GLIPR1L1: variants seen among roughly 807,000 people sequenced by gnomAD.
GLIPR1L1 encodes the protein GLIPR1-like protein 1.
A neutral mutation model predicts 29.9 loss-of-function variants in GLIPR1L1; 26 were observed. That is an observed-to-expected ratio of 0.87 (90% CI 0.64 to 1.21). GLIPR1L1 has a LOEUF of 1.21. Ranked by LOEUF, GLIPR1L1 falls within the 50% of genes most tolerant of loss-of-function variation. The pLI is 0.00. For missense variants in GLIPR1L1, 305 were observed against 290.3 expected (o/e 1.05, Z -0.37); for synonymous variants, 77 against 97.5 (o/e 0.79, Z 1.24).
intron 4 of GLIPR1L1, chr12:75,367,077 C>T (rs924101607): frequency 3.9e-5 from 27 of 696,976 alleles, no homozygotes; most frequent in Non-Finnish European, 6.0e-5. Flanking sequence ...CACAGACAAG[C>T]CAACTGAGAT....
chr12:75,351,793 C>CTGAG (rs1186338205), intron 3 of GLIPR1L1, among the ~76,000 whole-genome samples: 1 of 152,144 alleles, frequency 6.6e-6, no homozygotes, highest in Non-Finnish European at 1.5e-5. Context: ...GTGATCCACC[C>CTGAG]TCCTTGGCCT....
chr12:75,355,738 C>G (rs769398676), intron 3 of GLIPR1L1, among the ~76,000 whole-genome samples: 1 of 152,100 alleles, frequency 6.6e-6, no homozygotes, highest in African/African-American at 2.4e-5. Flanking sequence ...AAATGCCCAT[C>G]AATGACAGAC....
chr12:75,337,902 T>G (rs2041847292), intron 1 of GLIPR1L1, among the ~76,000 whole-genome samples: 1 of 152,102 alleles, frequency 6.6e-6, no homozygotes, highest in South Asian at 2.1e-4. Context: ...CCAATATAAA[T>G]CTTTTAACAG....
intron 3 of GLIPR1L1, among the ~76,000 whole-genome samples, chr12:75,352,362 G>C (rs1282479112): frequency 6.6e-6 from 1 of 152,162 alleles, no homozygotes; most frequent in African/African-American, 2.4e-5. Context: ...CCTAGTTTCT[G>C]ATAAAACAAA....
At chr12:75,347,764 G>A (rs1428379174) in intron 3 of GLIPR1L1, 42 bp downstream of exon 3, 3 of 1,301,760 alleles carry the variant, frequency 2.3e-6, no homozygotes, top group Admixed American at 3.6e-5. Flanking sequence ...TGAAATTAAT[G>A]TTGATGATGG....
intron 4 of GLIPR1L1, among the ~76,000 whole-genome samples, chr12:75,368,585 C>T (rs1219626647): frequency 6.7e-6 from 1 of 149,890 alleles, no homozygotes; most frequent in Non-Finnish European, 1.5e-5. Flanking sequence ...TGGCTAGATC[C>T]TTGTTAACTT....
At chr12:75,352,923 A>C (rs1353845381) in intron 3 of GLIPR1L1, among the ~76,000 whole-genome samples, 1 of 152,254 alleles carries the variant, frequency 6.6e-6, no homozygotes, top group Non-Finnish European at 1.5e-5. Context: ...TTAAGGCAGA[A>C]ATCAAGAAGT....
intron 1 of GLIPR1L1, among the ~76,000 whole-genome samples, chr12:75,337,136 T>A (rs780105440): frequency 3.3e-5 from 5 of 151,806 alleles, no homozygotes; most frequent in Non-Finnish European, 7.4e-5. Flanking sequence ...TAGATTTAAA[T>A]GAATATTTTA....
At chr12:75,346,968 T>C (rs2042494294) in intron 2 of GLIPR1L1, among the ~76,000 whole-genome samples, 1 of 152,042 alleles carries the variant, frequency 6.6e-6, no homozygotes, top group Non-Finnish European at 1.5e-5. Flanking sequence ...TATTCTATCA[T>C]TGTCACAAAA....
In GLIPR1L1 at chr12:75,367,501, C is replaced by T. The variant is rs188475998; in HGVS notation, c.611-2459C>T. Reference sequence around the variant, plus strand: ...AGGGTCAGAGTCATCAATATAACCACCTTCCATCTCCACGTCGTGTACCAC... The same window carrying T: ...AGGGTCAGAGTCATCAATATAACCATCTTCCATCTCCACGTCGTGTACCAC... On this transcript the variant is annotated intron_variant, in intron 4 of 5. Transcript: ENST00000378695. Among the ~76,000 whole-genome samples, 10 of 151,944 alleles carry T rather than the reference C, an allele frequency of 6.6e-5. No homozygotes were observed. In the East Asian group the frequency reaches 1.7e-3, roughly 26 times the overall value.
intron 3 of GLIPR1L1, among the ~76,000 whole-genome samples, chr12:75,354,029 C>T (rs1247659419): frequency 1.3e-5 from 2 of 151,896 alleles, no homozygotes. Flanking sequence ...AACCCATGGC[C>T]AATGTCATAC....
At chr12:75,343,140 T>A (rs1359677916) in intron 1 of GLIPR1L1, among the ~76,000 whole-genome samples, 1 of 152,054 alleles carries the variant, frequency 6.6e-6, no homozygotes, top group Non-Finnish European at 1.5e-5. Flanking sequence ...TCATGTATTT[T>A]ATTATACTAC....
chr12:75,360,969 T>A (rs1347569341), intron 3 of GLIPR1L1: 1 of 152,184 alleles, frequency 6.6e-6, no homozygotes, highest in East Asian at 1.9e-4. Context: ...TTAGCTCAGA[T>A]AAGTCTGAGG....
intron 3 of GLIPR1L1, among the ~76,000 whole-genome samples, chr12:75,356,719 G>A (rs2043178705): frequency 1.3e-5 from 2 of 151,982 alleles, no homozygotes; most frequent in Admixed American, 6.6e-5. Context: ...AAATTTAAAT[G>A]GTATAAATGC....
chr12:75,346,708 A>AT (rs951187214), intron 2 of GLIPR1L1, among the ~76,000 whole-genome samples: 6 of 151,928 alleles, frequency 3.9e-5, no homozygotes, highest in African/African-American at 4.8e-5. Context: ...GCTGGTAAAT[A>AT]TTTTTTTTGC....
At chr12:75,358,138 T>C (rs1251431191) in intron 3 of GLIPR1L1, among the ~76,000 whole-genome samples, 1 of 150,964 alleles carries the variant, frequency 6.6e-6, no homozygotes, top group African/African-American at 2.4e-5. Flanking sequence ...TATGAGAACA[T>C]AGGTGATAAC....
At chr12:75,334,988 TA>T (rs2041624278) in intron 1 of GLIPR1L1, 86 bp downstream of exon 1, 1 of 1,302,778 alleles carries the variant, frequency 7.7e-7, no homozygotes, top group Admixed American at 2.3e-5. Flanking sequence ...TAACTTGTAC[TA>T]ATTCAATCCG....
intron 1 of GLIPR1L1, among the ~76,000 whole-genome samples, chr12:75,339,168 G>A (rs1445785866): frequency 6.6e-6 from 1 of 152,130 alleles, no homozygotes; most frequent in Non-Finnish European, 1.5e-5. Flanking sequence ...GATCTTTGAG[G>A]AATTGCCACA....
At chr12:75,367,937 T>C (rs2044094790) in intron 4 of GLIPR1L1, among the ~76,000 whole-genome samples, 1 of 152,170 alleles carries the variant, frequency 6.6e-6, no homozygotes, top group South Asian at 2.1e-4. Context: ...TTTTCATTGG[T>C]CCTCATAGCC....
Sources: gnomAD v4.1 joint callset for allele counts (sites outside exome capture counted in the v4.1 genomes callset) on GRCh38, gnomAD v4.1.1 for gene constraint, MANE v1.5 for transcripts, NCBI Gene and HGNC (gene_info 2026-07-23, HGNC 2026-07-21) for gene names.